The following ENAH variants were observed in gnomAD, a reference collection of about 807,000 sequenced individuals.
ENAH encodes the protein ENAH actin regulator.
Under a neutral mutation model 78.7 loss-of-function variants are expected in ENAH, and 23 were observed. The ratio of observed to expected loss-of-function variants is 0.29; its 90% CI spans 0.21 to 0.41. The LOEUF is 0.41. Among genes scored for constraint, ENAH ranks in the 10% least tolerant of loss-of-function variants. The pLI, the probability that ENAH is intolerant of heterozygous loss-of-function variation, is 1.00. For missense variants in ENAH, 544 were observed against 691.0 expected, an observed-to-expected ratio of 0.79 and a Z score of 2.39; for synonymous variants, 226 against 241.0, an observed-to-expected ratio of 0.94 and a Z score of 0.58.
chr1:225,556,938 G>A (rs2096670017), intron 2 of ENAH, among the ~76,000 whole-genome samples: 1 of 152,108 alleles, frequency 6.6e-6, no homozygotes, highest in Admixed American at 6.6e-5. Context: ...CTGTGCTGCA[G>A]GTTTGCCTGC....
intron 1 of ENAH, among the ~76,000 whole-genome samples, chr1:225,568,413 T>C (rs2096744915): frequency 6.6e-6 from 1 of 152,274 alleles, no homozygotes; most frequent in Admixed American, 6.5e-5. Context: ...TCTTAAGCAA[T>C]GGGTTCATCT....
Position 225,610,431 on chromosome 1 carries a change from A to G in ENAH, c.5+42255T>C, listed in dbSNP as rs758385770. On this transcript the variant is annotated intron_variant, in intron 1 of 13. Coordinates refer to ENST00000366843, the MANE Select transcript of ENAH (RefSeq NM_018212.6). ...GGTTATAATAAATTTGTGATTTTAT[A>G]ATTACTATAAAAATATTGGGGGATA... Among the ~76,000 whole-genome samples, 68 of 152,186 alleles carry G rather than the reference A, an allele frequency of 4.5e-4. 1 individual carries two copies. The highest frequency in any genetic ancestry group is 1.5e-4 in the Non-Finnish European group (10 of 68,030).
chr1:225,531,707 T>TAA (rs939919427), intron 3 of ENAH, among the ~76,000 whole-genome samples: 3 of 152,128 alleles, frequency 2.0e-5, no homozygotes, highest in African/African-American at 7.2e-5. Flanking sequence ...TTCTGTGCAC[T>TAA]AAATTCTTGT....
intron 1 of ENAH, chr1:225,580,183 A>G (rs2096808633): frequency 1.3e-5 from 2 of 152,074 alleles, no homozygotes; most frequent in African/African-American, 4.8e-5. Flanking sequence ...TGAACAGAAT[A>G]TGGGAAAAAA....
chr1:225,492,609 TA>T lies in ENAH; in HGVS notation c.*5165del, dbSNP rs2096227529. 1 of 152,222 alleles carries T rather than the reference TA, an allele frequency of 6.6e-6. No individual in the cohort carries two copies. The allele number at this position is 152,222 out of a possible 1,614,324, so 9.4% of individuals were successfully genotyped here. On this transcript the variant is annotated 3_prime_UTR_variant, in exon 14 of 14. Transcript: ENST00000366843. ...ACTGTGATTCTTTGGTTCAAACACTTAATTGGGGCTTCATCTTTGATTTTTT... is the reference window on the plus strand; with the variant it reads ...ACTGTGATTCTTTGGTTCAAACACTTATTGGGGCTTCATCTTTGATTTTTT...
intron 1 of ENAH, among the ~76,000 whole-genome samples, chr1:225,586,877 A>G (rs1167393591): frequency 1.4e-5 from 2 of 144,882 alleles, no homozygotes; most frequent in Non-Finnish European, 3.0e-5. Flanking sequence ...TACAAAAAGT[A>G]GCCAGGCGTG....
chr1:225,509,161 A>T (rs2096357145), intron 10 of ENAH, among the ~76,000 whole-genome samples: 1 of 152,166 alleles, frequency 6.6e-6, no homozygotes, highest in Non-Finnish European at 1.5e-5. Context: ...GACCAGGAAG[A>T]TCAAATAATC....
chr1:225,609,745 A>G (rs2096977914), intron 1 of ENAH, among the ~76,000 whole-genome samples: 1 of 144,074 alleles, frequency 6.9e-6, no homozygotes. Flanking sequence ...GCTCACTGCA[A>G]CATCCACCTC....
chr1:225,580,293 C>A (rs1228190636), intron 1 of ENAH: 2 of 152,040 alleles, frequency 1.3e-5, no homozygotes, highest in African/African-American at 2.4e-5. Context: ...GAGGCCCACA[C>A]GAGACAATTA....
chr1:225,649,641 C>T (rs1190056387), intron 1 of ENAH, among the ~76,000 whole-genome samples: 1 of 152,078 alleles, frequency 6.6e-6, no homozygotes, highest in South Asian at 2.1e-4. Flanking sequence ...AAGTAATATG[C>T]TTTTTCATTT....
intron 4 of ENAH, among the ~76,000 whole-genome samples, chr1:225,526,345 T>C (rs1408978276): frequency 6.6e-6 from 1 of 151,774 alleles, no homozygotes; most frequent in Non-Finnish European, 1.5e-5. Flanking sequence ...TCTCTTTTTT[T>C]TTTTTTTCTT....
chr1:225,516,246 A>G (rs1271384970), intron 6 of ENAH, among the ~76,000 whole-genome samples: 1 of 152,160 alleles, frequency 6.6e-6, no homozygotes, highest in Non-Finnish European at 1.5e-5. Context: ...CCTTCAAGCC[A>G]CTACTTATTG....
At chr1:225,552,772 C>G (rs2096647473) in intron 3 of ENAH, among the ~76,000 whole-genome samples, 1 of 152,098 alleles carries the variant, frequency 6.6e-6, no homozygotes, top group African/African-American at 2.4e-5. Flanking sequence ...TAACAAGAAG[C>G]CTTTTTCCCA....
rs569257431 is a variant in ENAH at position 225,520,888 on chromosome 1, G to A, written c.435-1323C>T. Among the ~76,000 whole-genome samples, 25 of 124,728 alleles carry A rather than the reference G, an allele frequency of 2.0e-4. No homozygotes were observed. The South Asian group carries it at 5.8e-3, about 29-fold the overall frequency. The allele number at this position is 124,728 out of a possible 152,430, so 81.8% of individuals were successfully genotyped here. On this transcript the variant is annotated intron_variant, in intron 4 of 13. Coordinates refer to ENST00000366843, the MANE Select transcript of ENAH (RefSeq NM_018212.6). Reference sequence around the variant, plus strand: ...AATGAAAGAAAAGAAAGGAGGAAGCGGGGAAGGAAGAAAAAGAAGGGAAGG... The same window carrying A: ...AATGAAAGAAAAGAAAGGAGGAAGCAGGGAAGGAAGAAAAAGAAGGGAAGG...
intron 3 of ENAH, among the ~76,000 whole-genome samples, chr1:225,531,394 T>C (rs2096536813): frequency 2.0e-5 from 3 of 152,124 alleles, no homozygotes; most frequent in East Asian, 1.9e-4. Context: ...GCATCTTAGA[T>C]AGAATGCCAC....
chr1:225,652,697 G>A lies in ENAH; in HGVS notation c.-7C>T. 7.6e-7 allele frequency: 1 copy of A among 1,321,740 alleles called. No individual in the cohort carries two copies. The highest frequency in any genetic ancestry group is 9.6e-7 in the Non-Finnish European group (1 of 1,038,096). The allele number at this position is 1,321,740 out of a possible 1,614,324, so 81.9% of individuals were successfully genotyped here. On this transcript the variant is annotated 5_prime_UTR_variant, in exon 1 of 14. Transcript: ENST00000366843. ...CGCGCGCCCCTCACCTCATGGTGCC[G>A]GCGGCGCAGAGGCTTCCCCACCAGC... is the stretch of plus-strand genomic sequence containing the variant.
At chr1:225,594,168 AC>A (rs1171322410) in intron 1 of ENAH, among the ~76,000 whole-genome samples, 1 of 152,244 alleles carries the variant, frequency 6.6e-6, no homozygotes, top group Non-Finnish European at 1.5e-5. Flanking sequence ...AAGTTTAAGG[AC>A]AAACTGTTCT....
Position 225,535,250 on chromosome 1 carries a change from T to TTG in ENAH, c.350-4614_350-4613dup, listed in dbSNP as rs556220401. 4.7e-3 allele frequency among the ~76,000 whole-genome samples: 716 copies of TTG among 152,212 alleles called. 9 individuals carry two copies. Among genetic ancestry groups the TTG allele is most frequent in the Non-Finnish European group, 5.3e-3 (358 of 68,000 alleles). ...ACAAACAAACAAAAACCCCTCTCAT[T>TTG]TGTGTTGGAAGAGGTGGACAAGAAG... On this transcript the variant is annotated intron_variant, in intron 3 of 13. Transcript: ENST00000366843.
chr1:225,517,143 C>CTATA, intron 6 of ENAH, 53 bp downstream of exon 6: 3 of 1,424,960 alleles, frequency 2.1e-6, no homozygotes, highest in Non-Finnish European at 2.8e-6. Context: ...AAAGTCACTG[C>CTATA]TATATAACAT....
Sources: allele counts gnomAD v4.1 joint callset (sites outside exome capture counted in the v4.1 genomes callset), GRCh38; gene constraint gnomAD v4.1.1; transcripts MANE v1.5; gene names NCBI Gene and HGNC (gene_info 2026-07-23, HGNC 2026-07-21).